The following TM4SF4 variants were observed in gnomAD, a reference collection of about 807,000 sequenced individuals.
TM4SF4 encodes transmembrane 4 L6 family member 4.
A neutral mutation model predicts 24.1 loss-of-function variants in TM4SF4; 24 were observed. The ratio of observed to expected loss-of-function variants is 1.00; its 90% CI spans 0.72 to 1.40. The LOEUF is 1.40. Ranked by LOEUF, TM4SF4 falls within the 40% of genes most tolerant of loss-of-function variation. The pLI is 0.00. For synonymous variants in TM4SF4, 113 were observed against 97.0 expected (o/e 1.17, Z -0.97); for missense variants, 254 against 254.2 (o/e 1.00, Z 0.01).
chr3:149,480,163 G>A (rs989099018), intron 2 of TM4SF4, among the ~76,000 whole-genome samples: 2 of 150,698 alleles, frequency 1.3e-5, no homozygotes, highest in Admixed American at 6.7e-5. Flanking sequence ...TTTGTTTTCA[G>A]GTCACAGCTT....
chr3:149,503,282 A>G lies in TM4SF4; in HGVS notation c.*589A>G, dbSNP rs1193771135. ...TAAAACCTGAATTCAGAGGTAACGT[A>G]ACAAAGATTGTGTGTGTTTTAGGAG... On this transcript the variant is annotated 3_prime_UTR_variant, in exon 5 of 5. Transcript: ENST00000305354. 6.6e-6 allele frequency: 1 copy of G among 152,242 alleles called. No individual in the cohort carries two copies. Among genetic ancestry groups the G allele is most frequent in the Non-Finnish European group, 1.5e-5 (1 of 68,064 alleles). 9.4% of individuals were successfully genotyped at this position (152,242 alleles called of 1,614,324 possible).
At position 149,498,309 on chromosome 3, in the gene TM4SF4, A is replaced by G. The variant is rs138880701; in HGVS notation, c.402-413A>G. Among the ~76,000 whole-genome samples, 10 of 152,286 alleles carry G rather than the reference A, an allele frequency of 6.6e-5. No homozygotes were observed. The East Asian group carries it at 1.4e-3, about 21-fold the overall frequency. On this transcript the variant is annotated intron_variant, in intron 3 of 4. Transcript: ENST00000305354. ...AAGCTGTGAACATTTGTGAAATTCT[A>G]CTGCTGGAGTGTCTCTATTTTCCTG...
chr3:149,476,814 G>GTTTT (rs67092416), intron 2 of TM4SF4, among the ~76,000 whole-genome samples: 4 of 81,210 alleles, frequency 4.9e-5, no homozygotes, highest in Admixed American at 1.4e-4. Context: ...TTTTGTTTTT[G>GTTTT]TTTTTTTTTT....
At position 149,495,695 on chromosome 3, in the gene TM4SF4, C is replaced by T. The variant is rs113203789; in HGVS notation, c.402-3027C>T. The T allele has an allele frequency of 7.9e-3, 1,923 of 243,426 alleles. 30 individuals carry two copies. Among genetic ancestry groups the T allele is most frequent in the African/African-American group, 0.041 (1,785 of 43,082 alleles). The allele number at this position is 243,426 out of a possible 1,614,324, so 15.1% of individuals were successfully genotyped here. On this transcript the variant is annotated intron_variant, in intron 3 of 4. Coordinates refer to ENST00000305354, the MANE Select transcript of TM4SF4 (RefSeq NM_004617.4). ...CAGGCCAAATCAGTGCTAGCTACACCCCTCTGCTGCTAGTCACACAGGTCA... is the reference window on the plus strand; with the variant it reads ...CAGGCCAAATCAGTGCTAGCTACACTCCTCTGCTGCTAGTCACACAGGTCA...
At chr3:149,477,303 T>C (rs1733950080) in intron 2 of TM4SF4, among the ~76,000 whole-genome samples, 1 of 152,210 alleles carries the variant, frequency 6.6e-6, no homozygotes, top group Admixed American at 6.5e-5. Context: ...GTTAGATATA[T>C]TGATGAGGCA....
rs148521597 is a variant in TM4SF4 at position 149,489,022 on chromosome 3, C to T, written c.401+1267C>T. Among the ~76,000 whole-genome samples the T allele has an allele frequency of 7.9e-5, 12 of 152,310 alleles. No homozygotes were observed. In the East Asian group the frequency reaches 1.9e-3, roughly 24 times the overall value. ...TACATGGTCTTGGTTTGTTCACAGA[C>T]GTCCCACATGAAATATCCCCATCTT... On this transcript the variant is annotated intron_variant, in intron 3 of 4. Transcript: ENST00000305354.
intron 3 of TM4SF4, among the ~76,000 whole-genome samples, chr3:149,494,507 C>G (rs1292350039): frequency 6.6e-6 from 1 of 151,780 alleles, no homozygotes; most frequent in South Asian, 2.1e-4. Context: ...TTATAATTAC[C>G]AAGTTTTAAA....
In TM4SF4 at chr3:149,474,995, G is replaced by A. The variant is rs757669025; in HGVS notation, c.118G>A (p.Asp40Asn). Residue 40 changes from aspartate to asparagine, a missense_variant, in exon 1 of 5, where the codon GAC becomes AAC. Transcript: ENST00000305354. Reference protein sequence around the residue: ...FPGGKVIDDNDHLSQEIWFFG... With the variant: ...FPGGKVIDDNNHLSQEIWFFG... ...TGGAGGAAAAGTGATAGATGACAAC[G>A]ACCACCTTTCCCAAGAGATCTGGTT... 4.3e-6 allele frequency: 7 copies of A among 1,613,722 alleles called. No homozygotes were observed. The highest frequency in any genetic ancestry group is 4.0e-5 in the African/African-American group (3 of 74,890).
rs1405259081 is a variant in TM4SF4 at position 149,475,861 on chromosome 3, C to A, written c.213C>A (p.Asn71Lys). The stretch of plus-strand genomic sequence containing the variant: ...CGCTGGTGTTCTTGGGCCTGAAGAA[C>A]AATGACTGCTGTGGGTGCTGCGGCA... The part of the protein sequence containing the change: ...FPALVFLGLK[N>K]NDCCGCCGNE... The change falls in exon 2 of 5, where the codon AAC becomes AAA. Residue 71 changes from asparagine (N) to lysine (K), a missense_variant. Asn to Lys is a moderately conservative substitution (Grantham distance 94). Coordinates refer to ENST00000305354, the MANE Select transcript of TM4SF4 (RefSeq NM_004617.4). 1 of 1,613,112 alleles carries A rather than the reference C, an allele frequency of 6.2e-7. No individual in the cohort carries two copies. The highest frequency in any genetic ancestry group is 1.3e-5 in the African/African-American group (1 of 74,996).
intron 4 of TM4SF4, 108 bp from the exon 5 acceptor site, chr3:149,502,568 C>T: frequency 1.3e-6 from 1 of 798,104 alleles, no homozygotes; most frequent in Non-Finnish European, 2.3e-6. Flanking sequence ...CAATAGGCAA[C>T]CATTAAGAGC....
chr3:149,502,638 C>A lies in TM4SF4; in HGVS notation c.592-38C>A, dbSNP rs756202040. ...GGGAAAAGCAAAAATTTACATAAAT[C>A]ATGACATCATAGTTAATTCACCTTT... is the stretch of plus-strand genomic sequence containing the variant. On this transcript the variant is annotated intron_variant, in intron 4 of 4. Coordinates refer to ENST00000305354, the MANE Select transcript of TM4SF4 (RefSeq NM_004617.4). 13 of 1,551,594 alleles carry A rather than the reference C, an allele frequency of 8.4e-6. No individual in the cohort carries two copies. In the African/African-American group the frequency reaches 1.4e-4, roughly 16 times the overall value.
rs1734219628 is a variant in TM4SF4, at chr3:149,492,007, A to AT, written c.401+4253dup. Among the ~76,000 whole-genome samples the AT allele has an allele frequency of 5.9e-5, 9 of 152,266 alleles. No individual in the cohort carries two copies. The South Asian group carries it at 1.7e-3, about 28-fold the overall frequency. On this transcript the variant is annotated intron_variant, in intron 3 of 4. Coordinates refer to ENST00000305354, the MANE Select transcript of TM4SF4 (RefSeq NM_004617.4). Reference sequence around the variant, plus strand: ...CACAGCAGGGGACTTCAAGCAAGACATGGCATGGCTACTTTGGACTTTTAG... The same window carrying AT: ...CACAGCAGGGGACTTCAAGCAAGACATTGGCATGGCTACTTTGGACTTTTAG...
chr3:149,482,992 A>G (rs1175444139), intron 2 of TM4SF4, among the ~76,000 whole-genome samples: 1 of 152,224 alleles, frequency 6.6e-6, no homozygotes, highest in East Asian at 1.9e-4. Flanking sequence ...TTAAAGCAAC[A>G]TGACGCAGCA....
intron 2 of TM4SF4, among the ~76,000 whole-genome samples, chr3:149,480,134 G>T (rs1030385402): frequency 2.9e-4 from 38 of 130,084 alleles, no homozygotes; most frequent in African/African-American, 1.0e-3. Flanking sequence ...AGCAAAAATA[G>T]TAAGAACCCC....
chr3:149,490,777 T>C (rs1330816814), intron 3 of TM4SF4, among the ~76,000 whole-genome samples: 2 of 152,150 alleles, frequency 1.3e-5, no homozygotes, highest in Admixed American at 1.3e-4. Context: ...CTAACACTCA[T>C]ACACAGCTGC....
chr3:149,495,116 A>G, intron 3 of TM4SF4: 1 of 264,266 alleles, frequency 3.8e-6, no homozygotes, highest in Admixed American at 3.8e-5. Context: ...GATTCCACAG[A>G]GCCCCTCTAC....
At chr3:149,501,036 A>G (rs200403629) in intron 4 of TM4SF4, among the ~76,000 whole-genome samples, 1,528 of 148,622 alleles carry the variant, frequency 0.01, 23 homozygotes, top group African/African-American at 0.034. Context: ...AAAAAAAAAA[A>G]AGAGAGAGAG....
At chr3:149,480,922 G>A (rs56200239) in intron 2 of TM4SF4, among the ~76,000 whole-genome samples, 4,818 of 152,126 alleles carry the variant, frequency 0.032, 88 homozygotes, top group Middle Eastern at 0.065. Context: ...AGAGGTTGGC[G>A]CGATCTCGGC....
At chr3:149,490,971 C>T (rs967980600) in intron 3 of TM4SF4, among the ~76,000 whole-genome samples, 1 of 151,832 alleles carries the variant, frequency 6.6e-6, no homozygotes. Flanking sequence ...TCTTTCTCTC[C>T]TCTTCCTCCT....
Sources: gnomAD v4.1 joint callset for allele counts (sites outside exome capture counted in the v4.1 genomes callset) on GRCh38, gnomAD v4.1.1 for gene constraint, MANE v1.5 for transcripts, NCBI Gene and HGNC (gene_info 2026-07-23, HGNC 2026-07-21) for gene names.